The following MED16 variants were observed in gnomAD, a reference collection of about 807,000 sequenced individuals.
The protein encoded by MED16 is mediator of RNA polymerase II transcription subunit 16.
In MED16, 81 loss-of-function variants were observed where a neutral mutation model predicts 84.4. The ratio of observed to expected loss-of-function variants is 0.96; its 90% CI spans 0.80 to 1.15. MED16 has a LOEUF of 1.15. MED16 is among the 50% of genes most tolerant of loss of function. MED16 has a pLI of 0.00. For synonymous variants in MED16, 897 were observed against 552.2 expected (o/e 1.62, Z -8.76); for missense variants, 1,585 against 1,245.9 (o/e 1.27, Z -4.10).
At chr19:877,973 G>A (rs2036298405) in intron 8 of MED16, among the ~76,000 whole-genome samples, 1 of 32,274 alleles carries the variant, frequency 3.1e-5, no homozygotes, top group Non-Finnish European at 5.5e-5. Flanking sequence ...CCCAGCCCCA[G>A]CCCCACGTGC....
intron 8 of MED16, among the ~76,000 whole-genome samples, chr19:878,014 C>T (rs12979858): frequency 9.0e-4 from 36 of 39,986 alleles, no homozygotes; most frequent in Admixed American, 1.3e-3. Flanking sequence ...TGGTTGTCAA[C>T]GCCCACCAGC....
intron 13 of MED16, among the ~76,000 whole-genome samples, chr19:869,189 G>A (rs567558638): frequency 6.9e-4 from 105 of 152,168 alleles, no homozygotes; most frequent in African/African-American, 2.5e-3. Flanking sequence ...GGAGCTTGAG[G>A]CTTAGAGACC....
At chr19:889,301 G>T (rs1463359400) in intron 4 of MED16, among the ~76,000 whole-genome samples, 2 of 152,176 alleles carry the variant, frequency 1.3e-5, no homozygotes, top group African/African-American at 4.8e-5. Flanking sequence ...GAAGACAGCA[G>T]CCACCAGTTA....
At chr19:875,175 A>AAAAATAAATAAAAAT in intron 10 of MED16, 69 bp downstream of exon 10, 1 of 1,126,942 alleles carries the variant, frequency 8.9e-7, no homozygotes, top group African/African-American at 1.6e-5. Context: ...AAAGAGTAAA[A>AAAAATAAATAAAAAT]AAAATAAATA....
chr19:879,306 T>C lies in MED16; in HGVS notation c.1353+631A>G, dbSNP rs1415342926. On this transcript the variant is annotated intron_variant, in intron 8 of 15. Coordinates refer to ENST00000325464, the MANE Select transcript of MED16 (RefSeq NM_005481.3). ...CAGCTCACCTTCCCATGGTTGTCAA[T>C]GCCCACCAAGCCCAGCCCCACGTGC... Among the ~76,000 whole-genome samples the C allele has an allele frequency of 3.5e-5, 5 of 143,452 alleles. No homozygotes were observed. In the East Asian group the frequency reaches 1.2e-3, roughly 34 times the overall value. The allele number at this position is 143,452 out of a possible 152,430, so 94.1% of individuals were successfully genotyped here.
rs766519077 is a variant in MED16 at position 868,268 on chromosome 19, G to T, written c.2484-17C>A. The T allele has an allele frequency of 1.3e-6, 2 of 1,590,876 alleles. No homozygotes were observed. Among genetic ancestry groups the T allele is most frequent in the Non-Finnish European group, 1.7e-6 (2 of 1,170,632 alleles). On this transcript the variant is annotated splice_polypyrimidine_tract_variant and intron_variant, in intron 15 of 15. Transcript: ENST00000325464. ...TCAACAGCCCTGCAGGGCGGGCTGA[G>T]GTTAACCGCGCCGAGGAGAGTCCAG...
chr19:885,085 G>A, intron 5 of MED16, 77 bp from the exon 6 acceptor site: 2 of 1,156,332 alleles, frequency 1.7e-6, no homozygotes, highest in Non-Finnish European at 2.5e-6. Context: ...TGAGCTGCGG[G>A]ACCCTGGGGC....
rs1291902441 is a variant in MED16, at chr19:871,244, T to G, written c.2108A>C (p.Glu703Ala). 3.3e-6 allele frequency: 5 copies of G among 1,537,996 alleles called. No individual in the cohort carries two copies. In the Admixed American group the frequency reaches 5.9e-5, roughly 18 times the overall value. Residue 703 changes from glutamate to alanine, a missense_variant, in exon 13 of 16, where the codon GAG becomes GCG. By Grantham distance (107) the Glu-to-Ala change is moderately radical. Coordinates refer to ENST00000325464, the MANE Select transcript of MED16 (RefSeq NM_005481.3). The part of the protein sequence containing the change: ...LTKLWICCRD[E>A]GPASEPDEAL... ...CTCGTCCGGCTCGCTCGCTGGGCCC[T>G]CATCGCGACCTGCGGAGAGAGGTGG...
intron 5 of MED16, among the ~76,000 whole-genome samples, 183 bp from the exon 6 acceptor site, chr19:885,191 C>T (rs907488704): frequency 2.0e-5 from 3 of 152,210 alleles, no homozygotes; most frequent in African/African-American, 7.2e-5. Flanking sequence ...CATCCACTCA[C>T]AGGAACGCAA....
At chr19:873,355 G>A (rs1279019891) in intron 11 of MED16, 94 bp downstream of exon 11, 1 of 1,243,836 alleles carries the variant, frequency 8.0e-7, no homozygotes, top group African/African-American at 1.7e-5. Flanking sequence ...GGGCGGGGCT[G>A]AGGTGGTTTT....
At chr19:870,990 G>A (rs376507965) in intron 13 of MED16, 47 bp downstream of exon 13, 126 of 1,468,130 alleles carry the variant, frequency 8.6e-5, no homozygotes, top group Middle Eastern at 7.3e-4. Flanking sequence ...GGCAGGACAC[G>A]GAGGAAGGAG....
At chr19:868,278 G>A (rs555372238) in intron 15 of MED16, 27 bp from the exon 16 acceptor site, 48 of 1,588,756 alleles carry the variant, frequency 3.0e-5, no homozygotes, top group Middle Eastern at 1.7e-4. Flanking sequence ...GGTTAACCGC[G>A]CCGAGGAGAG....
chr19:891,226 GA>G, intron 1 of MED16, 77 bp from the exon 2 acceptor site: 1 of 1,392,342 alleles, frequency 7.2e-7, no homozygotes, highest in Non-Finnish European at 9.8e-7. Flanking sequence ...CCAGAAGTGG[GA>G]AAACAATGGA....
chr19:876,177 G>A (rs990127556), intron 9 of MED16, among the ~76,000 whole-genome samples: 2 of 152,130 alleles, frequency 1.3e-5, no homozygotes, highest in Non-Finnish European at 2.9e-5. Flanking sequence ...GTTTCTGATG[G>A]CACAGAGGAA....
At chr19:880,282 C>T (rs2145228101) in intron 7 of MED16, 134 bp from the exon 8 acceptor site, 2 of 725,658 alleles carry the variant, frequency 2.8e-6, no homozygotes, top group East Asian at 6.7e-5. Context: ...AATCGGCATC[C>T]AGCGCCCGTG....
At chr19:872,145 T>A (rs748459760) in intron 11 of MED16, 27 bp from the exon 12 acceptor site, 1 of 1,489,944 alleles carries the variant, frequency 6.7e-7, no homozygotes. Context: ...TCGGTGTGGC[T>A]GGGGCGGCGG....
At position 881,671 on chromosome 19, in the gene MED16, C is replaced by A; in HGVS notation, c.1029G>T (p.Ser343=). ...ACACACGGTCCAGATCGTTGGTGGC[C>A]GATAGGATCCGCCATTTGAGAATTG... ...QPTILKWRIL[S]ATNDLDRVSA... Residue 343 remains serine, a synonymous_variant, in exon 7 of 16, where the codon TCG becomes TCT. Coordinates refer to ENST00000325464, the MANE Select transcript of MED16 (RefSeq NM_005481.3). 6.2e-7 allele frequency: 1 copy of A among 1,612,364 alleles called. No homozygotes were observed. The highest frequency in any genetic ancestry group is 8.5e-7 in the Non-Finnish European group (1 of 1,179,684).
intron 7 of MED16, among the ~76,000 whole-genome samples, chr19:880,717 C>T (rs779295818): frequency 6.6e-6 from 1 of 151,968 alleles, no homozygotes; most frequent in Non-Finnish European, 1.5e-5. Context: ...CTCAGGGGTT[C>T]GAGACCAGCC....
chr19:892,381 G>GTACT (rs957181299), intron 1 of MED16: 1 of 156,288 alleles, frequency 6.4e-6, no homozygotes, highest in African/African-American at 2.4e-5. Context: ...GGGGTCCCAT[G>GTACT]TACTCTCCAG....
Sources: allele counts gnomAD v4.1 joint callset (sites outside exome capture counted in the v4.1 genomes callset), GRCh38; gene constraint gnomAD v4.1.1; transcripts MANE v1.5; gene names NCBI Gene and HGNC (gene_info 2026-07-23, HGNC 2026-07-21).